PIPOX: variants seen among roughly 807,000 people sequenced by gnomAD.
PIPOX encodes pipecolic acid and sarcosine oxidase.
A neutral mutation model predicts 47.9 loss-of-function variants in PIPOX; 45 were observed. The observed-to-expected ratio is 0.94, with a 90% CI of 0.74 to 1.20. PIPOX has a LOEUF of 1.20. Ranked by LOEUF, PIPOX falls within the 50% of genes most tolerant of loss-of-function variation. The probability of loss-of-function intolerance (pLI) is 0.00; values close to 1 mark genes in which losing one functional copy is unlikely to be tolerated. For synonymous variants in PIPOX, 165 were observed against 191.3 expected, an observed-to-expected ratio of 0.86 and a Z score of 1.13; for missense variants, 458 against 498.4, an observed-to-expected ratio of 0.92 and a Z score of 0.77.
intron 2 of PIPOX, chr17:29,051,921 G>T (rs2065807923): frequency 2.1e-6 from 1 of 469,858 alleles, no homozygotes; most frequent in Non-Finnish European, 4.4e-6. Flanking sequence ...GTTGTCCCTG[G>T]GTGGGCGGGT....
At chr17:29,049,018 C>A (rs892165826) in intron 2 of PIPOX, among the ~76,000 whole-genome samples, 28 of 152,172 alleles carry the variant, frequency 1.8e-4, no homozygotes, top group African/African-American at 6.8e-4. Flanking sequence ...CCATCCTACA[C>A]CCTGTCCTGC....
chr17:29,046,671 G>A lies in PIPOX; in HGVS notation c.263+1664G>A, dbSNP rs2065786590. 5.1e-6 allele frequency: 5 copies of A among 985,302 alleles called. No homozygotes were observed. In the African/African-American group the frequency reaches 8.7e-5, roughly 17 times the overall value. 61.0% of individuals were successfully genotyped at this position (985,302 alleles called of 1,614,324 possible). ...GGTGCAACAACCACAGATACCAAGG[G>A]GAGTGGCAGCAGGAAAGAGGGAGAG... On this transcript the variant is annotated intron_variant, in intron 2 of 7. Coordinates refer to ENST00000323372, the MANE Select transcript of PIPOX (RefSeq NM_016518.3).
rs376926133 is a variant in PIPOX, at chr17:29,053,615, C to T, written c.660+20C>T. On this transcript the variant is annotated intron_variant, in intron 4 of 7. Coordinates refer to ENST00000323372, the MANE Select transcript of PIPOX (RefSeq NM_016518.3). ...CTCCAGGTAAGAGGAGCTGGAAGCC[C>T]GAGAGTTGGTGCTCAAGAGAAGCCT... is the stretch of plus-strand genomic sequence containing the variant. The T allele has an allele frequency of 2.5e-5, 39 of 1,552,934 alleles. No homozygotes were observed. Among genetic ancestry groups the T allele is most frequent in the African/African-American group, 1.9e-4 (14 of 72,776 alleles).
At position 29,056,415 on chromosome 17, in the gene PIPOX, C is replaced by T; in HGVS notation, c.*110C>T. 1 of 1,254,130 alleles carries T rather than the reference C, an allele frequency of 8.0e-7. No individual in the cohort carries two copies. Among genetic ancestry groups the T allele is most frequent in the Non-Finnish European group, 1.1e-6 (1 of 889,006 alleles). The allele number at this position is 1,254,130 out of a possible 1,614,324, so 77.7% of individuals were successfully genotyped here. Reference sequence around the variant, plus strand: ...GATATCATCCTTTTCTTCTGCCTCGCCTGAATCCCCCATAAACACCAGATG... The same window carrying T: ...GATATCATCCTTTTCTTCTGCCTCGTCTGAATCCCCCATAAACACCAGATG... On this transcript the variant is annotated 3_prime_UTR_variant, in exon 8 of 8. Transcript: ENST00000323372.
At chr17:29,046,376 G>A (rs1047506243) in intron 2 of PIPOX, among the ~76,000 whole-genome samples, 1 of 152,194 alleles carries the variant, frequency 6.6e-6, no homozygotes, top group African/African-American at 2.4e-5. Context: ...GAATCTTTCC[G>A]AGGGAGACGA....
rs986818365 is a variant in PIPOX at position 29,055,810 on chromosome 17, T to C, written c.967-3T>C. 1.2e-6 allele frequency: 2 copies of C among 1,612,974 alleles called. No individual in the cohort carries two copies. The highest frequency in any genetic ancestry group is 1.7e-6 in the Non-Finnish European group (2 of 1,178,964). On this transcript the variant is annotated splice_polypyrimidine_tract_variant and splice_region_variant and intron_variant, in intron 6 of 7. Coordinates refer to ENST00000323372, the MANE Select transcript of PIPOX (RefSeq NM_016518.3). ...AACACAAGGTGTGACTGTTTCTTTCTAGAATACCCCTGATGAGCAGTTCAT... is the reference window on the plus strand; with the variant it reads ...AACACAAGGTGTGACTGTTTCTTTCCAGAATACCCCTGATGAGCAGTTCAT...
intron 2 of PIPOX, among the ~76,000 whole-genome samples, 169 bp downstream of exon 2, chr17:29,045,176 A>G (rs2065780587): frequency 6.6e-6 from 1 of 152,210 alleles, no homozygotes; most frequent in South Asian, 2.1e-4. Flanking sequence ...GTCACCCCAC[A>G]GGTCCAGCTG....
intron 1 of PIPOX, among the ~76,000 whole-genome samples, chr17:29,043,566 T>G (rs2065774579): frequency 6.6e-6 from 1 of 152,212 alleles, no homozygotes; most frequent in Non-Finnish European, 1.5e-5. Context: ...CTCTTTCTAC[T>G]GCTTCCCAGT....
At chr17:29,047,282 G>T (rs2065789041) in intron 2 of PIPOX, among the ~76,000 whole-genome samples, 1 of 152,024 alleles carries the variant, frequency 6.6e-6, no homozygotes, top group African/African-American at 2.4e-5. Context: ...GTGACAGAGT[G>T]AGACTCCGTC....
rs562144465 is a variant in PIPOX, at chr17:29,053,156, C to T, written c.477+23C>T. ...CAGGTAATGTCGTATAGCACTGGGGCGATGCAGGTGCTCCCTGCTCTGGGT... is the reference window on the plus strand; with the variant it reads ...CAGGTAATGTCGTATAGCACTGGGGTGATGCAGGTGCTCCCTGCTCTGGGT... On this transcript the variant is annotated intron_variant, in intron 3 of 7. Coordinates refer to ENST00000323372, the MANE Select transcript of PIPOX (RefSeq NM_016518.3). The T allele has an allele frequency of 2.9e-5, 46 of 1,589,066 alleles. No homozygotes were observed. The Admixed American group carries it at 5.2e-4, about 18-fold the overall frequency.
rs2065778952 is a variant in PIPOX, at chr17:29,044,875, C to T, written c.131C>T (p.Ser44Phe). The T allele has an allele frequency of 6.2e-7, 1 of 1,612,924 alleles. No individual in the cohort carries two copies. Among genetic ancestry groups the T allele is most frequent in the Non-Finnish European group, 8.5e-7 (1 of 1,179,544 alleles). Residue 44 changes from serine (S) to phenylalanine (F), a missense_variant, in exon 2 of 8, where the codon TCC becomes TTC. Coordinates refer to ENST00000323372, the MANE Select transcript of PIPOX (RefSeq NM_016518.3). ...CACTTCCAGTTCTTTCTACCACACT[C>T]CCGAGGAAGCTCCCATGGACAAAGC... ...LLLEQFFLPH[S>F]RGSSHGQSRI...
intron 1 of PIPOX, among the ~76,000 whole-genome samples, chr17:29,043,617 T>G (rs1329569879): frequency 6.6e-6 from 1 of 152,162 alleles, no homozygotes; most frequent in Non-Finnish European, 1.5e-5. Context: ...GTTCTCTTCC[T>G]TCTCACTACT....
chr17:29,050,995 G>A (rs1298686456), intron 2 of PIPOX, among the ~76,000 whole-genome samples: 1 of 151,892 alleles, frequency 6.6e-6, no homozygotes, highest in Non-Finnish European at 1.5e-5. Context: ...GGTGGTGAGC[G>A]CCTGTAATCT....
At chr17:29,049,685 G>A (rs926318192) in intron 2 of PIPOX, among the ~76,000 whole-genome samples, 5 of 152,024 alleles carry the variant, frequency 3.3e-5, no homozygotes, top group African/African-American at 4.8e-5. Flanking sequence ...ATTTATTTCC[G>A]ATTTGCTCAT....
intron 2 of PIPOX, among the ~76,000 whole-genome samples, chr17:29,051,458 T>C (rs1455940972): frequency 6.6e-6 from 1 of 152,096 alleles, no homozygotes; most frequent in Non-Finnish European, 1.5e-5. Context: ...TCCATGAGAC[T>C]CCATTATAGG....
chr17:29,053,526 C>G lies in PIPOX; in HGVS notation c.591C>G (p.Ser197Arg). 1 of 1,614,044 alleles carries G rather than the reference C, an allele frequency of 6.2e-7. No individual in the cohort carries two copies. Among genetic ancestry groups the G allele is most frequent in the Non-Finnish European group, 8.5e-7 (1 of 1,179,914 alleles). The change falls in exon 4 of 8, where the codon AGC becomes AGG. Residue 197 changes from serine to arginine, a missense_variant. Ser to Arg is a moderately radical substitution (Grantham distance 110, BLOSUM62 -1). Coordinates refer to ENST00000323372, the MANE Select transcript of PIPOX (RefSeq NM_016518.3). ...KTTSRSYQAK[S>R]LVITAGPWTN... ...CCTCCAGGAGCTACCAAGCTAAGAG[C>G]TTGGTCATCACAGCAGGTCCTTGGA...
chr17:29,052,912 T>C lies in PIPOX; in HGVS notation c.264-8T>C, dbSNP rs1568020084. ...ACACCTTCACCTAGGTGACTTATTT[T>C]TTAACAGGCAGACTGGATTACTGCT... On this transcript the variant is annotated splice_region_variant and splice_polypyrimidine_tract_variant and intron_variant, in intron 2 of 7. Transcript: ENST00000323372. The C allele has an allele frequency of 6.2e-7, 1 of 1,613,902 alleles. No homozygotes were observed. The highest frequency in any genetic ancestry group is 8.5e-7 in the Non-Finnish European group (1 of 1,179,756).
chr17:29,048,387 T>C (rs777595949), intron 2 of PIPOX, among the ~76,000 whole-genome samples: 1 of 152,238 alleles, frequency 6.6e-6, no homozygotes, highest in Non-Finnish European at 1.5e-5. Flanking sequence ...GGTTGTCCAG[T>C]GCTTTTCATT....
In PIPOX at chr17:29,056,072, G is replaced by A. The variant is rs958278237; in HGVS notation, c.1043-103G>A. On this transcript the variant is annotated intron_variant, in intron 7 of 7. Coordinates refer to ENST00000323372, the MANE Select transcript of PIPOX (RefSeq NM_016518.3). Reference sequence around the variant, plus strand: ...GGGAGGCCACTTCTGGCTTTGGGATGTGACCAGGAGGACAGTCAGCCCTGT... The same window carrying A: ...GGGAGGCCACTTCTGGCTTTGGGATATGACCAGGAGGACAGTCAGCCCTGT... 2.2e-5 allele frequency: 33 copies of A among 1,481,646 alleles called. No individual in the cohort carries two copies. In the South Asian group the frequency reaches 2.6e-4, roughly 12 times the overall value. The allele number at this position is 1,481,646 out of a possible 1,614,324, so 91.8% of individuals were successfully genotyped here. A position where few individuals can be genotyped will look rare whatever the true frequency, so the allele number is the denominator to read the frequency against.
Sources: gnomAD v4.1 joint callset for allele counts (sites outside exome capture counted in the v4.1 genomes callset) on GRCh38, gnomAD v4.1.1 for gene constraint, MANE v1.5 for transcripts, NCBI Gene and HGNC (gene_info 2026-07-23, HGNC 2026-07-21) for gene names.